ZNF675: variants seen among roughly 807,000 people sequenced by gnomAD.
ZNF675 encodes zinc finger protein 675, also known as TRAF6 inhibitory zinc finger.
ZNF675 carries 36 observed loss-of-function variants against 56.1 expected under a neutral mutation model. The ratio of observed to expected loss-of-function variants is 0.64; its 90% CI spans 0.49 to 0.85. The LOEUF is 0.85. Ranked by LOEUF, ZNF675 falls within the 40% of genes least tolerant of loss-of-function variation. The probability of loss-of-function intolerance (pLI) is 0.00; values close to 1 mark genes in which losing one functional copy is unlikely to be tolerated. For missense variants in ZNF675, 663 were observed against 654.2 expected (o/e 1.01, Z -0.15); for synonymous variants, 200 against 218.9 (o/e 0.91, Z 0.76).
At chr19:23,655,556 G>A (rs1967972088) in intron 3 of ZNF675, 1 of 151,616 alleles carries the variant, frequency 6.6e-6, no homozygotes, top group African/African-American at 2.4e-5. Context: ...CAAGAAGATA[G>A]TGCCAAGCCA....
chr19:23,666,979 T>TG (rs768206620), intron 1 of ZNF675, among the ~76,000 whole-genome samples: 1 of 152,176 alleles, frequency 6.6e-6, no homozygotes, highest in Non-Finnish European at 1.5e-5. Flanking sequence ...AATTGGTGGG[T>TG]TCTTGGTCTC....
At chr19:23,668,581 G>A (rs377355837) in intron 1 of ZNF675, among the ~76,000 whole-genome samples, 2 of 152,228 alleles carry the variant, frequency 1.3e-5, no homozygotes, top group Admixed American at 6.5e-5. Flanking sequence ...AGCAGGGAGC[G>A]GCATCCGTCA....
At chr19:23,679,101 A>G (rs1271165045) in intron 1 of ZNF675, among the ~76,000 whole-genome samples, 12 of 136,432 alleles carry the variant, frequency 8.8e-5, no homozygotes, top group African/African-American at 3.4e-4. Flanking sequence ...CGGGAGGCGG[A>G]GCTTGCAGTG....
In ZNF675 at chr19:23,654,278, T is replaced by C. The variant is rs1453006917; in HGVS notation, c.655A>G (p.Lys219Glu). ...VNQSSKLTKHKRIYTCEKLYK... is the reference protein window; with the variant it reads ...VNQSSKLTKHERIYTCEKLYK... ...AGTTTCTCACAAGTATAAATTCTTT[T>C]ATGTTTAGTAAGCTTTGAAGATTGG... The change falls in exon 4 of 4, where the codon AAA becomes GAA. Residue 219 changes from lysine to glutamate, a missense_variant. This residue lies in a region of ZNF675 where 617 missense variants were observed against 590.5 expected (regional missense o/e 1.04). Coordinates refer to ENST00000359788, the MANE Select transcript of ZNF675 (RefSeq NM_138330.3). 2 of 1,612,054 alleles carry C rather than the reference T, an allele frequency of 1.2e-6. No individual in the cohort carries two copies. Among genetic ancestry groups the C allele is most frequent in the Non-Finnish European group, 1.7e-6 (2 of 1,179,558 alleles).
At chr19:23,663,291 AT>A in intron 1 of ZNF675, 133 bp from the exon 2 acceptor site, 1 of 1,177,548 alleles carries the variant, frequency 8.5e-7, no homozygotes, top group Non-Finnish European at 1.2e-6. Context: ...CAATAAAATC[AT>A]ATTTTTTACA....
At chr19:23,674,604 C>T (rs1434990522) in intron 1 of ZNF675, among the ~76,000 whole-genome samples, 2 of 115,686 alleles carry the variant, frequency 1.7e-5, no homozygotes, top group Non-Finnish European at 3.5e-5. Context: ...GTCGACAGAA[C>T]GAGACTCCGT....
chr19:23,681,714 T>C (rs1032505800), intron 1 of ZNF675, among the ~76,000 whole-genome samples: 3 of 151,778 alleles, frequency 2.0e-5, no homozygotes, highest in African/African-American at 7.3e-5. Context: ...CATGGGCTGA[T>C]CTATGCTTCT....
Position 23,663,023 on chromosome 19 carries a change from TA to T in ZNF675, c.130+8del, listed in dbSNP as rs1269159303. On this transcript the variant is annotated splice_region_variant and intron_variant, in intron 2 of 3. Transcript: ENST00000359788. Reference sequence around the variant, plus strand: ...AAAAAAAGAAACTGTGTGTTTAAGTTATCCTTACCCAGGAAGACCAGGTTTC... The same window carrying T: ...AAAAAAAGAAACTGTGTGTTTAAGTTTCCTTACCCAGGAAGACCAGGTTTC... 6.4e-7 allele frequency: 1 copy of T among 1,570,002 alleles called. No individual in the cohort carries two copies. The highest frequency in any genetic ancestry group is 2.0e-5 in the Admixed American group (1 of 49,138).
intron 1 of ZNF675, among the ~76,000 whole-genome samples, chr19:23,676,224 C>CA (rs898305559): frequency 6.6e-6 from 1 of 151,424 alleles, no homozygotes; most frequent in African/African-American, 2.4e-5. Flanking sequence ...GCCTACCAAC[C>CA]AAAAAAAGCC....
chr19:23,682,762 A>T (rs1450672070), intron 1 of ZNF675, among the ~76,000 whole-genome samples: 18 of 151,956 alleles, frequency 1.2e-4, no homozygotes, highest in Admixed American at 1.1e-3. Flanking sequence ...AAAATCCAGC[A>T]AAATTACTGA....
intron 3 of ZNF675, among the ~76,000 whole-genome samples, chr19:23,658,179 T>G (rs1284042163): frequency 1.3e-5 from 2 of 151,680 alleles, no homozygotes; most frequent in East Asian, 1.9e-4. Flanking sequence ...GGCAACACGG[T>G]GAAACCCTGT....
intron 1 of ZNF675, among the ~76,000 whole-genome samples, chr19:23,682,734 C>T (rs1968392867): frequency 6.6e-6 from 1 of 151,708 alleles, no homozygotes; most frequent in African/African-American, 2.4e-5. Context: ...CACTTGGTGT[C>T]TGAAACTATG....
chr19:23,685,936 T>G (rs917003501), intron 1 of ZNF675, among the ~76,000 whole-genome samples: 3 of 152,172 alleles, frequency 2.0e-5, no homozygotes, highest in Non-Finnish European at 4.4e-5. Context: ...AATAACTAAG[T>G]AGCAGGCAAT....
intron 3 of ZNF675, chr19:23,658,810 G>GAC (rs1270300146): frequency 2.0e-5 from 3 of 146,978 alleles, no homozygotes; most frequent in South Asian, 4.3e-4. Flanking sequence ...TATCTATAGA[G>GAC]ATATAGATCT....
At chr19:23,669,532 TGA>T (rs1266940886) in intron 1 of ZNF675, among the ~76,000 whole-genome samples, 3 of 152,040 alleles carry the variant, frequency 2.0e-5, no homozygotes, top group East Asian at 1.9e-4. Context: ...TTGCTGAAGT[TGA>T]GAGAGTTAAA....
At chr19:23,668,761 C>A (rs1471285758) in intron 1 of ZNF675, among the ~76,000 whole-genome samples, 1 of 152,218 alleles carries the variant, frequency 6.6e-6, no homozygotes, top group Non-Finnish European at 1.5e-5. Context: ...TCCGCAGCCG[C>A]TGGCCCGGGT....
In ZNF675 at chr19:23,678,322, G is replaced by A. The variant is rs145918066; in HGVS notation, c.3+8709C>T. ...GCCTAGGCTGGAGTACTGTGGTGAG[G>A]TCTTGGATCACTGCAACCTCCACAT... On this transcript the variant is annotated intron_variant, in intron 1 of 3. Coordinates refer to ENST00000359788, the MANE Select transcript of ZNF675 (RefSeq NM_138330.3). Among the ~76,000 whole-genome samples the A allele has an allele frequency of 5.9e-3, 879 of 149,972 alleles. 3 individuals are homozygous for A. Among genetic ancestry groups the A allele is most frequent in the Non-Finnish European group, 0.011 (720 of 67,754 alleles).
chr19:23,654,148 C>T lies in ZNF675; in HGVS notation c.785G>A (p.Gly262Asp). The change falls in exon 4 of 4, where the codon GGC becomes GAC. Residue 262 changes from glycine to aspartate, a missense_variant. By Grantham distance (94) the Gly-to-Asp change is moderately conservative. Coordinates refer to ENST00000359788, the MANE Select transcript of ZNF675 (RefSeq NM_138330.3). ...REKPYKCEECGKAFNQSSHLT... is the reference protein window; with the variant it reads ...REKPYKCEECDKAFNQSSHLT... ...GTGTGAGGACTGGTTAAAGGCTTTG[C>T]CACATTCTTCACATTTGTATGGTTT... 2 of 1,613,890 alleles carry T rather than the reference C, an allele frequency of 1.2e-6. No individual in the cohort carries two copies. The highest frequency in any genetic ancestry group is 1.7e-6 in the Non-Finnish European group (2 of 1,179,946).
Position 23,653,017 on chromosome 19 carries a change from C to T in ZNF675, c.*209G>A, listed in dbSNP as rs1247650277. 6 of 479,028 alleles carry T rather than the reference C, an allele frequency of 1.3e-5. No homozygotes were observed. Among genetic ancestry groups the T allele is most frequent in the South Asian group, 4.1e-5 (1 of 24,330 alleles). 29.7% of individuals were successfully genotyped at this position (479,028 alleles called of 1,614,324 possible). ...TTGTACAATTTTTCTTAAGTATAAA[C>T]GCTTTCCTGTGCAATAAGGTTTGAG... On this transcript the variant is annotated 3_prime_UTR_variant, in exon 4 of 4. Transcript: ENST00000359788.
Sources: gnomAD v4.1 joint callset for allele counts (sites outside exome capture counted in the v4.1 genomes callset) on GRCh38, gnomAD v4.1.1 for gene constraint, gnomAD v4.1.1 regional missense constraint, MANE v1.5 for transcripts, NCBI Gene and HGNC (gene_info 2026-07-23, HGNC 2026-07-21) for gene names.